The following LY86 variants were observed in gnomAD, a reference collection of about 807,000 sequenced individuals.
LY86 encodes the protein MD-1, RP105-associated.
In LY86, 20 loss-of-function variants were observed where a neutral mutation model predicts 17.3. The ratio of observed to expected loss-of-function variants is 1.15; its 90% confidence interval spans 0.81 to 1.68. The LOEUF is 1.68. Ranked by LOEUF, LY86 falls within the 40% of genes most tolerant of loss-of-function variation. The pLI is 0.00. For missense variants in LY86, 200 were observed against 191.9 expected (o/e 1.04, Z -0.25); for synonymous variants, 74 against 70.6 (o/e 1.05, Z -0.24).
rs187635153 is a variant in LY86, at chr6:6,612,183, G to A, written c.137-12743G>A. Among the ~76,000 whole-genome samples, 485 of 101,972 alleles carry A rather than the reference G, an allele frequency of 4.8e-3. 4 individuals carry two copies. Among genetic ancestry groups the A allele is most frequent in the Non-Finnish European group, 6.0e-3 (291 of 48,524 alleles). The allele number at this position is 101,972 out of a possible 152,430, so 66.9% of individuals were successfully genotyped here. A position where few individuals can be genotyped will look rare whatever the true frequency, so the allele number is the denominator to read the frequency against. On this transcript the variant is annotated intron_variant, in intron 1 of 4. Transcript: ENST00000230568. ...CAATTTGGGGGTTCTTGGTCTCACTGACTTCAAGAACGAAGCCACAGACCC... is the reference window on the plus strand; with the variant it reads ...CAATTTGGGGGTTCTTGGTCTCACTAACTTCAAGAACGAAGCCACAGACCC...
intron 1 of LY86, among the ~76,000 whole-genome samples, chr6:6,612,414 T>G (rs945575997): frequency 3.9e-5 from 6 of 152,348 alleles, no homozygotes; most frequent in African/African-American, 7.2e-5. Context: ...CTAGTCTCAC[T>G]GGCCTCATAA....
At chr6:6,618,762 A>G (rs1761611918) in intron 1 of LY86, among the ~76,000 whole-genome samples, 1 of 152,202 alleles carries the variant, frequency 6.6e-6, no homozygotes. Flanking sequence ...AGAGAGTCAA[A>G]TGGGAGTGGA....
rs139080802 is a variant in LY86 at position 6,632,245 on chromosome 6, A to G, written c.352+5824A>G. The stretch of plus-strand genomic sequence containing the variant: ...CAGAGTGGCAGCTGGCAGGAGGAAG[A>G]GCACCTTAGGAAAAAGCCAGAGAGC... On this transcript the variant is annotated intron_variant, in intron 3 of 4. Coordinates refer to ENST00000230568, the MANE Select transcript of LY86 (RefSeq NM_004271.4). Among the ~76,000 whole-genome samples the G allele has an allele frequency of 6.4e-3, 975 of 152,332 alleles. 6 individuals are homozygous for G. The highest frequency in any genetic ancestry group is 0.022 in the African/African-American group (908 of 41,556).
At chr6:6,611,913 C>T (rs1358899926) in intron 1 of LY86, among the ~76,000 whole-genome samples, 5 of 152,210 alleles carry the variant, frequency 3.3e-5, no homozygotes, top group Admixed American at 2.6e-4. Context: ...CAGACTGCTG[C>T]TGTGTTCTGC....
intron 1 of LY86, among the ~76,000 whole-genome samples, chr6:6,599,177 T>TA (rs563531263): frequency 7.2e-5 from 11 of 152,360 alleles, no homozygotes; most frequent in East Asian, 3.9e-4. Context: ...CGTGCTCATC[T>TA]AATGCTTGGG....
At chr6:6,592,758 G>A (rs778302143) in intron 1 of LY86, among the ~76,000 whole-genome samples, 12 of 152,148 alleles carry the variant, frequency 7.9e-5, no homozygotes, top group African/African-American at 9.7e-5. Context: ...ACCAGGAAGC[G>A]AGCCCTCACC....
At chr6:6,599,018 C>G (rs1319296055) in intron 1 of LY86, among the ~76,000 whole-genome samples, 2 of 152,182 alleles carry the variant, frequency 1.3e-5, no homozygotes, top group Non-Finnish European at 2.9e-5. Flanking sequence ...TCCTTCTGTT[C>G]CATTTTTCCC....
chr6:6,619,518 G>A (rs992875558), intron 1 of LY86, among the ~76,000 whole-genome samples: 1 of 152,210 alleles, frequency 6.6e-6, no homozygotes, highest in South Asian at 2.1e-4. Flanking sequence ...TCCATAAACT[G>A]TTTGCTAGAG....
intron 1 of LY86, among the ~76,000 whole-genome samples, chr6:6,600,552 T>C (rs1350142964): frequency 7.6e-6 from 1 of 132,088 alleles, no homozygotes; most frequent in African/African-American, 3.0e-5. Context: ...ATTGCACCAT[T>C]GCACTCCAGC....
At chr6:6,604,808 C>A in intron 1 of LY86, among the ~76,000 whole-genome samples, 1 of 147,146 alleles carries the variant, frequency 6.8e-6, no homozygotes, top group African/African-American at 2.5e-5. Context: ...ACAATTAGAC[C>A]AACCAGGATA....
intron 1 of LY86, among the ~76,000 whole-genome samples, chr6:6,617,943 C>A (rs535762478): frequency 6.6e-6 from 1 of 152,296 alleles, no homozygotes; most frequent in South Asian, 2.1e-4. Context: ...CAGGTTCAAG[C>A]GGTTCTCCTG....
chr6:6,633,951 CTG>C (rs1364596330), intron 3 of LY86, among the ~76,000 whole-genome samples: 1 of 152,058 alleles, frequency 6.6e-6, no homozygotes, highest in Admixed American at 6.6e-5. Context: ...ATTAGAGTAT[CTG>C]TAGGTCAAGG....
chr6:6,636,700 T>C (rs980461432), intron 3 of LY86, among the ~76,000 whole-genome samples: 4 of 152,156 alleles, frequency 2.6e-5, no homozygotes, highest in African/African-American at 9.7e-5. Context: ...TCTCATGGAA[T>C]TGGAAATTTG....
At chr6:6,631,999 A>G (rs1386234479) in intron 3 of LY86, among the ~76,000 whole-genome samples, 3 of 152,168 alleles carry the variant, frequency 2.0e-5, no homozygotes, top group Non-Finnish European at 4.4e-5. Flanking sequence ...ACTTTTGTGA[A>G]CCACTGCTAG....
intron 1 of LY86, among the ~76,000 whole-genome samples, chr6:6,613,881 C>T (rs973358203): frequency 1.3e-5 from 2 of 152,238 alleles, no homozygotes; most frequent in African/African-American, 4.8e-5. Flanking sequence ...CCAGCTCCCA[C>T]AGTGCAGTGT....
At chr6:6,653,740 C>T (rs1348867449) in intron 4 of LY86, among the ~76,000 whole-genome samples, 1 of 152,148 alleles carries the variant, frequency 6.6e-6, no homozygotes, top group East Asian at 1.9e-4. Context: ...CTTCCAGTTG[C>T]TCAGGCCAGG....
At chr6:6,634,504 C>G (rs560495745) in intron 3 of LY86, among the ~76,000 whole-genome samples, 1 of 152,370 alleles carries the variant, frequency 6.6e-6, no homozygotes, top group East Asian at 1.9e-4. Flanking sequence ...CCAAGAGATT[C>G]TGTTGTAATG....
At chr6:6,590,482 C>T (rs1296080489) in intron 1 of LY86, among the ~76,000 whole-genome samples, 1 of 151,826 alleles carries the variant, frequency 6.6e-6, no homozygotes, top group Non-Finnish European at 1.5e-5. Context: ...TGAGAGTAAC[C>T]GAAACCTTGG....
At chr6:6,644,112 G>T (rs1434660678) in intron 3 of LY86, among the ~76,000 whole-genome samples, 1 of 152,196 alleles carries the variant, frequency 6.6e-6, no homozygotes, top group Non-Finnish European at 1.5e-5. Flanking sequence ...GAAATCGGCA[G>T]GAATTCCAGC....
Sources: allele counts gnomAD v4.1 joint callset (sites outside exome capture counted in the v4.1 genomes callset), GRCh38; gene constraint gnomAD v4.1.1; transcripts MANE v1.5; gene names NCBI Gene and HGNC (gene_info 2026-07-23, HGNC 2026-07-21).